Variants in OR2L8 observed in about 807,000 individuals in gnomAD.
The protein encoded by OR2L8 is olfactory receptor 2L8.
For synonymous variants in OR2L8, 123 were observed against 138.6 expected (o/e 0.89, Z 0.79); for missense variants, 324 against 376.0 (o/e 0.86, Z 1.14).
At position 247,949,698 on chromosome 1, in the gene OR2L8, A is replaced by T; in HGVS notation, c.841A>T (p.Thr281Ser). Residue 281 changes from threonine to serine, a missense_variant, in exon 1 of 1, where the codon ACC becomes TCC. Transcript: ENST00000623922. ...KVLAVFYTIL[T>S]PMLNPIIYSL... ...TCTGGCTGTCTTCTACACCATCCTC[A>T]CCCCAATGCTCAACCCCATCATCTA... is the stretch of plus-strand genomic sequence containing the variant. 1.9e-6 allele frequency: 3 copies of T among 1,613,750 alleles called. No homozygotes were observed. The South Asian group carries it at 3.3e-5, about 18-fold the overall frequency.
In OR2L8 at chr1:247,949,780, G is replaced by A. The variant is rs1174517756; in HGVS notation, c.923G>A (p.Cys308Tyr). The A allele has an allele frequency of 2.4e-5, 38 of 1,611,182 alleles. No homozygotes were observed. The highest frequency in any genetic ancestry group is 2.9e-5 in the Non-Finnish European group (34 of 1,178,092). The part of the protein sequence containing the change: ...GALTRVSQRI[C>Y]SVKM Reference sequence around the variant, plus strand: ...CTGACACGAGTGAGTCAGAGAATCTGCTCTGTGAAAATGTAGAAACACTTT... The same window carrying A: ...CTGACACGAGTGAGTCAGAGAATCTACTCTGTGAAAATGTAGAAACACTTT... Residue 308 changes from cysteine (C) to tyrosine (Y), a missense_variant, in exon 1 of 1, where the codon TGC becomes TAC. Cys to Tyr is a radical substitution (Grantham distance 194). Transcript: ENST00000623922.
In OR2L8 at chr1:247,948,865, AT is replaced by A; in HGVS notation, c.10del (p.Tyr4ThrfsTer32). 1 of 1,603,008 alleles carries A rather than the reference AT, an allele frequency of 6.2e-7. No individual in the cohort carries two copies. Among genetic ancestry groups the A allele is most frequent in the East Asian group, 2.2e-5 (1 of 44,848 alleles). On this transcript the variant is annotated frameshift_variant, in exon 1 of 1. Transcript: ENST00000623922. LOFTEE classifies it low-confidence loss of function (END_TRUNC). Reference sequence around the variant, plus strand: ...GGATTGTAGGAATGCTCCATGGAAAATTACAATCAAACATCAACTGATTTCA... The same window carrying A: ...GGATTGTAGGAATGCTCCATGGAAAATACAATCAAACATCAACTGATTTCA... ME[N>X]YNQTSTDFIL...
At position 247,949,010 on chromosome 1, in the gene OR2L8, C is replaced by T. The variant is rs371286821; in HGVS notation, c.153C>T (p.Asp51=). 6.2e-7 allele frequency: 1 copy of T among 1,613,786 alleles called. No individual in the cohort carries two copies. Among genetic ancestry groups the T allele is most frequent in the African/African-American group, 1.3e-5 (1 of 74,890 alleles). Residue 51 remains aspartate (D), a synonymous_variant, in exon 1 of 1, where the codon GAC becomes GAT. Transcript: ENST00000623922. ...CCATGATTCTTCTCATCTTCTTGGA[C>T]ACCCATCTCCACACACCCATGTATT... ...NLSMILLIFL[D]THLHTPMYFL...
In OR2L8 at chr1:247,948,990, A is replaced by G; in HGVS notation, c.133A>G (p.Ile45Val). ...GGCTCTAATTGGAAACCTGTCCATG[A>G]TTCTTCTCATCTTCTTGGACACCCA... ...LMALIGNLSM[I>V]LLIFLDTHLH... The change falls in exon 1 of 1, where the codon ATT becomes GTT. Residue 45 changes from isoleucine (I) to valine (V), a missense_variant. Ile to Val is a conservative substitution (Grantham distance 29). Coordinates refer to ENST00000623922, the MANE Select transcript of OR2L8 (RefSeq NM_001001963.1). 6.2e-7 allele frequency: 1 copy of G among 1,613,612 alleles called. No homozygotes were observed. The highest frequency in any genetic ancestry group is 8.5e-7 in the Non-Finnish European group (1 of 1,179,798).
In OR2L8 at chr1:247,949,700, C is replaced by A. The variant is rs1241971207; in HGVS notation, c.843C>A (p.Thr281=). Residue 281 remains threonine (T), a synonymous_variant, in exon 1 of 1, where the codon ACC becomes ACA. Coordinates refer to ENST00000623922, the MANE Select transcript of OR2L8 (RefSeq NM_001001963.1). ...KVLAVFYTIL[T]PMLNPIIYSL... ...TGGCTGTCTTCTACACCATCCTCAC[C>A]CCAATGCTCAACCCCATCATCTATA... is the stretch of plus-strand genomic sequence containing the variant. 6.2e-7 allele frequency: 1 copy of A among 1,610,086 alleles called. No individual in the cohort carries two copies. The highest frequency in any genetic ancestry group is 1.3e-5 in the African/African-American group (1 of 74,530).
At position 247,949,332 on chromosome 1, in the gene OR2L8, A is replaced by G. The variant is rs576733322; in HGVS notation, c.475A>G (p.Thr159Ala). Residue 159 changes from threonine (T) to alanine (A), a missense_variant, in exon 1 of 1, where the codon ACT (threonine) becomes GCT (alanine). By Grantham distance (58) the Thr-to-Ala change is moderately conservative (BLOSUM62 0). Transcript: ENST00000623922. Reference protein sequence around the residue: ...IIGSINACAHTVYVLHIPYCR... With the variant: ...IIGSINACAHAVYVLHIPYCR... ...AGGCTCGATCAATGCTTGTGCTCAC[A>G]CTGTATATGTACTCCATATTCCTTA... is the stretch of plus-strand genomic sequence containing the variant. 6.2e-7 allele frequency: 1 copy of G among 1,614,158 alleles called. No homozygotes were observed. Among genetic ancestry groups the G allele is most frequent in the South Asian group, 1.1e-5 (1 of 91,088 alleles).
At position 247,948,873 on chromosome 1, in the gene OR2L8, C is replaced by T; in HGVS notation, c.16C>T (p.Gln6Ter). 6.2e-7 allele frequency: 1 copy of T among 1,605,510 alleles called. No homozygotes were observed. Among genetic ancestry groups the T allele is most frequent in the Non-Finnish European group, 8.5e-7 (1 of 1,175,542 alleles). The change falls in exon 1 of 1, where the codon CAA becomes TAA. Residue 6 changes from glutamine (Q) to a stop codon, truncating the protein, a stop_gained. Transcript: ENST00000623922. LOFTEE classifies it low-confidence loss of function (END_TRUNC). ...GGAATGCTCCATGGAAAATTACAAT[C>T]AAACATCAACTGATTTCATCTTATT... MENYN[Q>*]TSTDFILLGL...
In OR2L8 at chr1:247,949,683, T is replaced by A. The variant is rs1212250757; in HGVS notation, c.826T>A (p.Phe276Ile). The change falls in exon 1 of 1, where the codon TTC (phenylalanine) becomes ATC (isoleucine). Residue 276 changes from phenylalanine to isoleucine, a missense_variant. Transcript: ENST00000623922. ...AACAGAGGACAAGGTTCTGGCTGTCTTCTACACCATCCTCACCCCAATGCT... is the reference window on the plus strand; with the variant it reads ...AACAGAGGACAAGGTTCTGGCTGTCATCTACACCATCCTCACCCCAATGCT... Reference protein sequence around the residue: ...SPTEDKVLAVFYTILTPMLNP... With the variant: ...SPTEDKVLAVIYTILTPMLNP... 3 of 1,613,794 alleles carry A rather than the reference T, an allele frequency of 1.9e-6. No individual in the cohort carries two copies. Among genetic ancestry groups the A allele is most frequent in the Non-Finnish European group, 2.5e-6 (3 of 1,179,846 alleles).
Position 247,949,079 on chromosome 1 carries a change from C to G in OR2L8, c.222C>G (p.Ser74=). 1 of 1,613,972 alleles carries G rather than the reference C, an allele frequency of 6.2e-7. No individual in the cohort carries two copies. Among genetic ancestry groups the G allele is most frequent in the Non-Finnish European group, 8.5e-7 (1 of 1,179,874 alleles). ...CCCTCATTGACCTAAATTACATCTC[C>G]ACCATTGTTCCTAAGATGGCATCTG... ...QLSLIDLNYI[S]TIVPKMASDF... The change falls in exon 1 of 1, where the codon TCC becomes TCG. Residue 74 remains serine (S), a synonymous_variant. Transcript: ENST00000623922.
In OR2L8 at chr1:247,949,381, A is replaced by G. The variant is rs1660549348; in HGVS notation, c.524A>G (p.His175Arg). ...TATTGCCGATCCAGGGCCATCAATC[A>G]TTTCTTCTGTGATGTCCCAGCAATG... Reference protein sequence around the residue: ...IPYCRSRAINHFFCDVPAMVT... With the variant: ...IPYCRSRAINRFFCDVPAMVT... The change falls in exon 1 of 1, where the codon CAT becomes CGT. Residue 175 changes from histidine to arginine, a missense_variant. Coordinates refer to ENST00000623922, the MANE Select transcript of OR2L8 (RefSeq NM_001001963.1). 3.1e-6 allele frequency: 5 copies of G among 1,614,076 alleles called. No individual in the cohort carries two copies. Among genetic ancestry groups the G allele is most frequent in the Non-Finnish European group, 3.4e-6 (4 of 1,180,008 alleles).
At position 247,949,216 on chromosome 1, in the gene OR2L8, A is replaced by G. The variant is rs372610242; in HGVS notation, c.359A>G (p.Asp120Gly). 1.5e-5 allele frequency: 25 copies of G among 1,614,180 alleles called. No homozygotes were observed. The highest frequency in any genetic ancestry group is 2.0e-5 in the Non-Finnish European group (24 of 1,180,044). ...EALLLASMAY[D>G]RYIAICFPLH... Reference sequence around the variant, plus strand: ...CTACTTTTGGCATCTATGGCCTATGATCGTTACATTGCTATTTGCTTTCCT... The same window carrying G: ...CTACTTTTGGCATCTATGGCCTATGGTCGTTACATTGCTATTTGCTTTCCT... Residue 120 changes from aspartate to glycine, a missense_variant, in exon 1 of 1, where the codon GAT (aspartate) becomes GGT (glycine). By Grantham distance (94) the Asp-to-Gly change is moderately conservative. Coordinates refer to ENST00000623922, the MANE Select transcript of OR2L8 (RefSeq NM_001001963.1).
Position 247,949,364 on chromosome 1 carries a change from A to G in OR2L8, c.507A>G (p.Arg169=). The G allele has an allele frequency of 1.2e-6, 2 of 1,614,198 alleles. No individual in the cohort carries two copies. The highest frequency in any genetic ancestry group is 1.7e-6 in the Non-Finnish European group (2 of 1,180,036). Residue 169 remains arginine, a synonymous_variant, in exon 1 of 1, where the codon CGA becomes CGG. Transcript: ENST00000623922. The stretch of plus-strand genomic sequence containing the variant: ...ATGTACTCCATATTCCTTATTGCCG[A>G]TCCAGGGCCATCAATCATTTCTTCT... ...TVYVLHIPYC[R]SRAINHFFCD...
Position 247,949,614 on chromosome 1 carries a change from C to A in OR2L8, c.757C>A (p.Pro253Thr). 6.2e-7 allele frequency: 1 copy of A among 1,614,000 alleles called. No individual in the cohort carries two copies. Among genetic ancestry groups the A allele is most frequent in the Non-Finnish European group, 8.5e-7 (1 of 1,179,928 alleles). Reference sequence around the variant, plus strand: ...CACTGTAGTAACTTTCTACTATGCACCTTTTGTCTACACTTATCTACGTCC... The same window carrying A: ...CACTGTAGTAACTTTCTACTATGCAACTTTTGTCTACACTTATCTACGTCC... ...HLTVVTFYYAPFVYTYLRPRS... is the reference protein window; with the variant it reads ...HLTVVTFYYATFVYTYLRPRS... The change falls in exon 1 of 1, where the codon CCT (proline) becomes ACT (threonine). Residue 253 changes from proline to threonine, a missense_variant. Transcript: ENST00000623922.
In OR2L8 at chr1:247,949,446, A is replaced by C; in HGVS notation, c.589A>C (p.Thr197Pro). ...ACMDTWVYEG[T>P]VFLSATIFLV... ...CATGGACACCTGGGTCTATGAGGGC[A>C]CAGTGTTTTTGAGTGCCACCATCTT... Residue 197 changes from threonine to proline, a missense_variant, in exon 1 of 1, where the codon ACA (threonine) becomes CCA (proline). Thr to Pro is a conservative substitution (Grantham distance 38, BLOSUM62 -1). Transcript: ENST00000623922. 6.3e-7 allele frequency: 1 copy of C among 1,590,204 alleles called. No homozygotes were observed. The highest frequency in any genetic ancestry group is 8.6e-7 in the Non-Finnish European group (1 of 1,158,150).
rs772048920 is a variant in OR2L8 at position 247,949,270 on chromosome 1, G to T, written c.413G>T (p.Arg138Ile). The T allele has an allele frequency of 7.4e-6, 12 of 1,614,046 alleles. No individual in the cohort carries two copies. In the African/African-American group the frequency reaches 1.6e-4, roughly 22 times the overall value. Residue 138 changes from arginine to isoleucine, a missense_variant, in exon 1 of 1, where the codon AGA becomes ATA. By Grantham distance (97) the Arg-to-Ile change is moderately conservative. Coordinates refer to ENST00000623922, the MANE Select transcript of OR2L8 (RefSeq NM_001001963.1). ...CACTATCTCATCCGCATGAGCAAAA[G>T]AGTGTGTGTGCTGATGATAACAGGG... ...PLHYLIRMSK[R>I]VCVLMITGSW...
At position 247,949,555 on chromosome 1, in the gene OR2L8, G is replaced by T; in HGVS notation, c.698G>T (p.Arg233Met). 1 of 1,613,780 alleles carries T rather than the reference G, an allele frequency of 6.2e-7. No individual in the cohort carries two copies. Among genetic ancestry groups the T allele is most frequent in the Non-Finnish European group, 8.5e-7 (1 of 1,179,972 alleles). The stretch of plus-strand genomic sequence containing the variant: ...TACCACATGAAATCTGCAGAAGGGA[G>T]GAAGAAAGCCTATTTGACCTGCAGC... Reference protein sequence around the residue: ...AVYHMKSAEGRKKAYLTCSTH... With the variant: ...AVYHMKSAEGMKKAYLTCSTH... The change falls in exon 1 of 1, where the codon AGG becomes ATG. Residue 233 changes from arginine to methionine, a missense_variant. By Grantham distance (91) the Arg-to-Met change is moderately conservative. Transcript: ENST00000623922.
rs1161510973 is a variant in OR2L8, at chr1:247,949,290, A to T, written c.433A>T (p.Thr145Ser). ...CAAAAGAGTGTGTGTGCTGATGATA[A>T]CAGGGTCTTGGATCATAGGCTCGAT... ...MSKRVCVLMITGSWIIGSINA... is the reference protein window; with the variant it reads ...MSKRVCVLMISGSWIIGSINA... The change falls in exon 1 of 1, where the codon ACA becomes TCA. Residue 145 changes from threonine to serine, a missense_variant. Thr to Ser is a moderately conservative substitution (Grantham distance 58, BLOSUM62 1). Coordinates refer to ENST00000623922, the MANE Select transcript of OR2L8 (RefSeq NM_001001963.1). The T allele has an allele frequency of 6.2e-7, 1 of 1,614,180 alleles. No homozygotes were observed. Among genetic ancestry groups the T allele is most frequent in the Non-Finnish European group, 8.5e-7 (1 of 1,180,024 alleles).
Position 247,948,981 on chromosome 1 carries a change from C to T in OR2L8, c.124C>T (p.Leu42=). 1.2e-6 allele frequency: 2 copies of T among 1,613,888 alleles called. No individual in the cohort carries two copies. The highest frequency in any genetic ancestry group is 1.7e-6 in the Non-Finnish European group (2 of 1,179,840). ...FIFLMALIGN[L]SMILLIFLDT... is the part of the protein sequence containing the mutation. ...TTTCCTGATGGCTCTAATTGGAAAC[C>T]TGTCCATGATTCTTCTCATCTTCTT... The change falls in exon 1 of 1, where the codon CTG becomes TTG. Residue 42 remains leucine (L), a synonymous_variant. Coordinates refer to ENST00000623922, the MANE Select transcript of OR2L8 (RefSeq NM_001001963.1).
chr1:247,949,100 A>T lies in OR2L8; in HGVS notation c.243A>T (p.Ala81=). The change falls in exon 1 of 1, where the codon GCA becomes GCT. Residue 81 remains alanine, a synonymous_variant. Coordinates refer to ENST00000623922, the MANE Select transcript of OR2L8 (RefSeq NM_001001963.1). ...NYISTIVPKM[A]SDFLHGNKSI... ...TCTCCACCATTGTTCCTAAGATGGC[A>T]TCTGATTTTCTGCATGGAAACAAGT... 1 of 1,613,936 alleles carries T rather than the reference A, an allele frequency of 6.2e-7. No homozygotes were observed. Among genetic ancestry groups the T allele is most frequent in the East Asian group, 2.2e-5 (1 of 44,874 alleles).
Sources: allele counts gnomAD v4.1 joint callset, GRCh38; gene constraint gnomAD v4.1.1; transcripts MANE v1.5; gene names NCBI Gene and HGNC (gene_info 2026-07-23, HGNC 2026-07-21).